PITPNM2: variants seen among roughly 807,000 people sequenced by gnomAD.
PITPNM2 encodes phosphatidylinositol transfer protein membrane associated 2, also known as membrane-associated phosphatidylinositol transfer protein 2.
A neutral mutation model predicts 132.2 loss-of-function variants in PITPNM2; 35 were observed. That is an observed-to-expected ratio of 0.26 (90% confidence interval 0.20 to 0.35). The LOEUF (loss-of-function observed/expected upper bound fraction) is 0.35. Ranked by LOEUF, PITPNM2 falls within the 10% of genes least tolerant of loss-of-function variation. The pLI, the probability that PITPNM2 is intolerant of heterozygous loss-of-function variation, is 1.00. For missense variants in PITPNM2, 1,332 were observed against 1,912.0 expected (o/e 0.70, Z 5.66); for synonymous variants, 738 against 799.2 (o/e 0.92, Z 1.29).
chr12:122,995,317 A>G, intron 14 of PITPNM2, 72 bp downstream of exon 14: 1 of 1,513,644 alleles, frequency 6.6e-7, no homozygotes, highest in Non-Finnish European at 8.8e-7. Context: ...TGGCCATCAC[A>G]GGGGATGTTC....
At chr12:123,133,798 A>ACG (rs1452469912) in intron 1 of PITPNM2, among the ~76,000 whole-genome samples, 1 of 83,058 alleles carries the variant, frequency 1.2e-5, no homozygotes, top group East Asian at 6.6e-4. Flanking sequence ...ATGAACACAC[A>ACG]CACACACACA....
chr12:123,131,659 C>T (rs563746190), intron 1 of PITPNM2, among the ~76,000 whole-genome samples: 1 of 152,244 alleles, frequency 6.6e-6, no homozygotes, highest in South Asian at 2.1e-4. Context: ...TACTCTTGCC[C>T]CAGTCACAGA....
At position 123,106,200 on chromosome 12, in the gene PITPNM2, T is replaced by G. The variant is rs117709848; in HGVS notation, c.-96+4185A>C. On this transcript the variant is annotated intron_variant, in intron 2 of 25. Transcript: ENST00000320201. The surrounding 1 kb of genome is among the most constrained non-coding windows in gnomAD (Gnocchi z 4.4). ...CACAATTCGACACAAGCCAGAGGAA[T>G]GCAGGCTTCTGCCACCTTGTTGAAA... is the stretch of plus-strand genomic sequence containing the variant. Among the ~76,000 whole-genome samples, 22 of 152,290 alleles carry G rather than the reference T, an allele frequency of 1.4e-4. No individual in the cohort carries two copies. The East Asian group carries it at 3.5e-3, about 24-fold the overall frequency.
Position 123,005,235 on chromosome 12 carries a change from C to T in PITPNM2, c.952+5G>A. ...GTGTGGGTGGCAGGTGGCGCAGGGC[C>T]TTACCTCCCCGCTTGGACGACCGAG... On this transcript the variant is annotated splice_donor_5th_base_variant and intron_variant, in intron 7 of 25. Coordinates refer to ENST00000320201, the MANE Select transcript of PITPNM2 (RefSeq NM_020845.3). This position sits in a 1 kb window ranked among gnomAD's most constrained non-coding sequence, Gnocchi z 6.2. 1 of 1,609,798 alleles carries T rather than the reference C, an allele frequency of 6.2e-7. No homozygotes were observed. The highest frequency in any genetic ancestry group is 8.5e-7 in the Non-Finnish European group (1 of 1,177,228).
Position 123,150,631 on chromosome 12 carries a change from C to T in PITPNM2, c.-200+122G>A, listed in dbSNP as rs1565886139. ...TCCAGCCCCCGGCGGGCTGGAGGCT[C>T]GGCGGGCGGGCGGGCCGGGGCCTCT... On this transcript the variant is annotated intron_variant, in intron 1 of 25. Coordinates refer to ENST00000320201, the MANE Select transcript of PITPNM2 (RefSeq NM_020845.3). This position sits in a 1 kb window ranked among gnomAD's most constrained non-coding sequence, Gnocchi z 6.0. Among the ~76,000 whole-genome samples the T allele has an allele frequency of 6.8e-6, 1 of 146,122 alleles. No individual in the cohort carries two copies. The highest frequency in any genetic ancestry group is 2.1e-4 in the East Asian group (1 of 4,818).
At chr12:123,104,582 C>T (rs1466056898) in intron 2 of PITPNM2, among the ~76,000 whole-genome samples, 1 of 152,090 alleles carries the variant, frequency 6.6e-6, no homozygotes, top group African/African-American at 2.4e-5. Flanking sequence ...AAAAGCTCCC[C>T]CACTGAGCAC....
rs543476006 is a variant in PITPNM2 at position 123,031,389 on chromosome 12, G to A, written c.78+3124C>T. On this transcript the variant is annotated intron_variant, in intron 3 of 25. Coordinates refer to ENST00000320201, the MANE Select transcript of PITPNM2 (RefSeq NM_020845.3). The surrounding 1 kb of genome is among the most constrained non-coding windows in gnomAD (Gnocchi z 4.5). ...GAGGCCAGAACCCAGCGATGCATCC[G>A]CCTGTCTAAGACCCAGCTGGGGCAG... Among the ~76,000 whole-genome samples, 10 of 152,166 alleles carry A rather than the reference G, an allele frequency of 6.6e-5. No homozygotes were observed. The highest frequency in any genetic ancestry group is 2.0e-4 in the Admixed American group (3 of 15,280).
chr12:123,042,957 G>A (rs754600632), intron 2 of PITPNM2, among the ~76,000 whole-genome samples: 16 of 152,074 alleles, frequency 1.1e-4, no homozygotes, highest in Non-Finnish European at 1.8e-4. Flanking sequence ...CTCTGAAGGT[G>A]TGTGTTATGA....
rs563155701 is a variant in PITPNM2, at chr12:123,055,492, C to A, written c.-95-20807G>T. Reference sequence around the variant, plus strand: ...TGCCCAGCGTGCACACGGCACCAAGCTGGCTGGGTGCTAAACAGATACAAT... The same window carrying A: ...TGCCCAGCGTGCACACGGCACCAAGATGGCTGGGTGCTAAACAGATACAAT... On this transcript the variant is annotated intron_variant, in intron 2 of 25. Transcript: ENST00000320201. Among the ~76,000 whole-genome samples, 12 of 152,334 alleles carry A rather than the reference C, an allele frequency of 7.9e-5. No homozygotes were observed. In the East Asian group the frequency reaches 2.3e-3, roughly 29 times the overall value.
rs1435039681 is a variant in PITPNM2, at chr12:123,000,985, C to T, written c.1153+69G>A. 3.2e-6 allele frequency: 5 copies of T among 1,549,380 alleles called. No homozygotes were observed. The African/African-American group carries it at 6.8e-5, about 21-fold the overall frequency. ...TGCCCAGCACTGTGCAGAAGCTGGT[C>T]AGAAAGGAGGGGGCTGAAGCCCTGC... On this transcript the variant is annotated intron_variant, in intron 9 of 25. Coordinates refer to ENST00000320201, the MANE Select transcript of PITPNM2 (RefSeq NM_020845.3). The surrounding 1 kb of genome is among the most constrained non-coding windows in gnomAD (Gnocchi z 5.4).
chr12:123,064,349 G>A lies in PITPNM2; in HGVS notation c.-95-29664C>T, dbSNP rs1592985076. Among the ~76,000 whole-genome samples the A allele has an allele frequency of 6.6e-6, 1 of 152,156 alleles. No individual in the cohort carries two copies. The highest frequency in any genetic ancestry group is 2.4e-5 in the African/African-American group (1 of 41,434). Reference sequence around the variant, plus strand: ...TCTGGGCCCAGGGTGACACCAAACCGATCCCAACCAGCACCCCAAGGCCTG... The same window carrying A: ...TCTGGGCCCAGGGTGACACCAAACCAATCCCAACCAGCACCCCAAGGCCTG... On this transcript the variant is annotated intron_variant, in intron 2 of 25. Transcript: ENST00000320201. The surrounding 1 kb of genome is among the most constrained non-coding windows in gnomAD (Gnocchi z 4.0).
intron 12 of PITPNM2, 23 bp from the exon 13 acceptor site, chr12:122,996,600 C>A: frequency 6.2e-7 from 1 of 1,612,772 alleles, no homozygotes; most frequent in Non-Finnish European, 8.5e-7. Context: ...GGGCCAGAGG[C>A]CTGAGCCATT....
At chr12:123,052,655 C>G (rs2040899673) in intron 2 of PITPNM2, among the ~76,000 whole-genome samples, 1 of 152,038 alleles carries the variant, frequency 6.6e-6, no homozygotes, top group South Asian at 2.1e-4. Flanking sequence ...TTTAAAACAG[C>G]CAATATAATA....
intron 2 of PITPNM2, among the ~76,000 whole-genome samples, chr12:123,069,744 C>T (rs991686461): frequency 2.6e-5 from 4 of 152,182 alleles, no homozygotes; most frequent in African/African-American, 9.7e-5. Context: ...AGTTGTGTCC[C>T]CAGGGCTCGG....
intron 1 of PITPNM2, among the ~76,000 whole-genome samples, chr12:123,146,294 C>A (rs924430176): frequency 6.6e-6 from 1 of 152,048 alleles, no homozygotes; most frequent in African/African-American, 2.4e-5. Context: ...TGCTTGTACC[C>A]CTGAACTTAA....
chr12:123,043,359 CTT>C (rs1164563136), intron 2 of PITPNM2, among the ~76,000 whole-genome samples: 2 of 152,006 alleles, frequency 1.3e-5, no homozygotes, highest in African/African-American at 2.4e-5. Flanking sequence ...ACCAAGGAGA[CTT>C]TGAGCAGGAG....
chr12:123,060,699 G>A (rs927541191), intron 2 of PITPNM2, among the ~76,000 whole-genome samples: 1 of 152,236 alleles, frequency 6.6e-6, no homozygotes, highest in African/African-American at 2.4e-5. Flanking sequence ...TCAGAGCTGG[G>A]AAGGCCCAAG....
intron 2 of PITPNM2, among the ~76,000 whole-genome samples, chr12:123,057,733 G>A (rs571411577): frequency 1.3e-4 from 20 of 152,354 alleles, no homozygotes; most frequent in East Asian, 1.2e-3. Context: ...AGCCTCCTGG[G>A]CTCCCCACCG....
Position 123,009,034 on chromosome 12 carries a change from TAAGTG to T in PITPNM2, c.643+811_643+815del, listed in dbSNP as rs2039058182. ...TGTTGGGTCTCTGCTTCCTCCTGCA[TAAGTG>T]GAGTGACAATGCCTACCCTCATGGG... is the stretch of plus-strand genomic sequence containing the variant. On this transcript the variant is annotated intron_variant, in intron 6 of 25. Coordinates refer to ENST00000320201, the MANE Select transcript of PITPNM2 (RefSeq NM_020845.3). This position sits in a 1 kb window ranked among gnomAD's most constrained non-coding sequence, Gnocchi z 4.8. Among the ~76,000 whole-genome samples the T allele has an allele frequency of 6.6e-6, 1 of 152,206 alleles. No individual in the cohort carries two copies. Among genetic ancestry groups the T allele is most frequent in the Non-Finnish European group, 1.5e-5 (1 of 68,036 alleles).
Sources: allele counts gnomAD v4.1 joint callset (sites outside exome capture counted in the v4.1 genomes callset), GRCh38; gene constraint gnomAD v4.1.1; non-coding constraint Gnocchi (gnomAD v3.1); transcripts MANE v1.5; gene names NCBI Gene and HGNC (gene_info 2026-07-23, HGNC 2026-07-21).